The following PCNX1 variants were observed in gnomAD, a reference collection of about 807,000 sequenced individuals.
The protein encoded by PCNX1 is pecanex 1, also known as pecanex-like protein 1.
Under a neutral mutation model 242.2 loss-of-function variants are expected in PCNX1, and 78 were observed. The ratio of observed to expected loss-of-function variants is 0.32; its 90% CI spans 0.27 to 0.39. PCNX1 has a LOEUF of 0.39. Among genes scored for constraint, PCNX1 ranks in the 10% least tolerant of loss-of-function variants. The pLI is 1.00. For missense variants in PCNX1, 2,581 were observed against 2,856.5 expected (o/e 0.90, Z 2.20); for synonymous variants, 1,024 against 1,032.9 (o/e 0.99, Z 0.17).
rs910746382 is a variant in PCNX1 at position 71,106,044 on chromosome 14, C to T, written c.6301+604C>T. Among the ~76,000 whole-genome samples, 42 of 151,216 alleles carry T rather than the reference C, an allele frequency of 2.8e-4. 1 individual carries two copies. Among genetic ancestry groups the T allele is most frequent in the Non-Finnish European group, 7.4e-5 (5 of 67,814 alleles). ...TTTTTAATTTTTTGAGACAGAGTCT[C>T]ACTCTGTTGCTCAGGCTGGAGTGCA... On this transcript the variant is annotated intron_variant, in intron 33 of 35. Coordinates refer to ENST00000304743, the MANE Select transcript of PCNX1 (RefSeq NM_014982.3).
chr14:70,907,648 C>T lies in PCNX1; in HGVS notation c.-203C>T, dbSNP rs1330721322. 6.6e-6 allele frequency: 3 copies of T among 453,118 alleles called. No homozygotes were observed. Among genetic ancestry groups the T allele is most frequent in the Admixed American group, 5.2e-5 (1 of 19,376 alleles). The allele number at this position is 453,118 out of a possible 1,614,324, so 28.1% of individuals were successfully genotyped here. On this transcript the variant is annotated 5_prime_UTR_variant, in exon 1 of 36. Transcript: ENST00000304743. Reference sequence around the variant, plus strand: ...TCCGCCCCGCCGCTCGCCGCCTCCTCCTCTCGGGTCTCCTCCTCCTCGTTT... The same window carrying T: ...TCCGCCCCGCCGCTCGCCGCCTCCTTCTCTCGGGTCTCCTCCTCCTCGTTT...
intron 30 of PCNX1, 75 bp downstream of exon 30, chr14:71,089,417 A>G: frequency 9.1e-7 from 1 of 1,094,558 alleles, no homozygotes; most frequent in Non-Finnish European, 1.3e-6. Flanking sequence ...ATATTAGTCC[A>G]TTCTCACGCT....
intron 28 of PCNX1, among the ~76,000 whole-genome samples, chr14:71,080,065 G>T (rs906046686): frequency 6.6e-6 from 1 of 152,106 alleles, no homozygotes; most frequent in African/African-American, 2.4e-5. Context: ...GTAAGGAAGG[G>T]GTCCAGTTTC....
At chr14:70,957,259 A>G (rs2058031694) in intron 2 of PCNX1, among the ~76,000 whole-genome samples, 1 of 152,114 alleles carries the variant, frequency 6.6e-6, no homozygotes, top group Admixed American at 6.6e-5. Context: ...GCGTGCTAGG[A>G]TTACAGGCAT....
intron 1 of PCNX1, among the ~76,000 whole-genome samples, chr14:70,915,847 G>C (rs2056133044): frequency 6.6e-6 from 1 of 152,102 alleles, no homozygotes; most frequent in Non-Finnish European, 1.5e-5. Context: ...AGATAATGCA[G>C]GGTTCCTGGA....
rs1449089993 is a variant in PCNX1, at chr14:70,907,626, G to T, written c.-225G>T. 2 of 314,260 alleles carry T rather than the reference G, an allele frequency of 6.4e-6. No homozygotes were observed. Among genetic ancestry groups the T allele is most frequent in the African/African-American group, 2.2e-5 (1 of 45,018 alleles). 19.5% of individuals were successfully genotyped at this position (314,260 alleles called of 1,614,324 possible). A position where few individuals can be genotyped will look rare whatever the true frequency, so the allele number is the denominator to read the frequency against. On this transcript the variant is annotated 5_prime_UTR_variant, in exon 1 of 36. Coordinates refer to ENST00000304743, the MANE Select transcript of PCNX1 (RefSeq NM_014982.3). ...GGTCTCCTCCTCTCCGCCGTCCTCC[G>T]CCCCGCCGCTCGCCGCCTCCTCCTC...
At chr14:71,016,175 A>C (rs184674249) in intron 11 of PCNX1, among the ~76,000 whole-genome samples, 26 of 152,380 alleles carry the variant, frequency 1.7e-4, no homozygotes, top group African/African-American at 5.8e-4. Flanking sequence ...AGCCCATTTC[A>C]TAGTGATAAG....
At chr14:70,958,241 T>C (rs1191699956) in intron 2 of PCNX1, among the ~76,000 whole-genome samples, 2 of 152,152 alleles carry the variant, frequency 1.3e-5, no homozygotes, top group African/African-American at 4.8e-5. Context: ...AGAAAGCTAG[T>C]TTTCTTTGTT....
chr14:70,942,757 A>G (rs995565675), intron 1 of PCNX1: 4 of 152,196 alleles, frequency 2.6e-5, no homozygotes, highest in African/African-American at 9.7e-5. Context: ...GTTTTTATAG[A>G]AGCTTCATTA....
At chr14:70,927,264 TGTAA>T (rs1435771383) in intron 1 of PCNX1, among the ~76,000 whole-genome samples, 8 of 152,350 alleles carry the variant, frequency 5.3e-5, no homozygotes, top group East Asian at 1.9e-4. Context: ...GCTCCTGTTC[TGTAA>T]GTGTGTCTTA....
chr14:70,986,354 T>C (rs1319115002), intron 6 of PCNX1, among the ~76,000 whole-genome samples: 16 of 152,202 alleles, frequency 1.1e-4, no homozygotes, highest in Admixed American at 1.0e-3. Context: ...TAAACTTTCC[T>C]CTTGATGTGT....
chr14:70,994,575 TG>T (rs1424095968), intron 7 of PCNX1, among the ~76,000 whole-genome samples: 2 of 151,478 alleles, frequency 1.3e-5, no homozygotes, highest in Non-Finnish European at 2.9e-5. Context: ...ATAAAGTAAC[TG>T]AATAAGGCCA....
chr14:71,100,206 T>C (rs1229262698), intron 30 of PCNX1, among the ~76,000 whole-genome samples: 1 of 152,214 alleles, frequency 6.6e-6, no homozygotes, highest in African/African-American at 2.4e-5. Flanking sequence ...GGCTGTGTTC[T>C]TAAGTGTGTT....
At chr14:71,019,981 G>A (rs1271551672) in intron 12 of PCNX1, among the ~76,000 whole-genome samples, 1 of 148,836 alleles carries the variant, frequency 6.7e-6, no homozygotes, top group Non-Finnish European at 1.5e-5. Flanking sequence ...CCCTCCTTGT[G>A]TCCATGTGTT....
rs2059066484 is a variant in PCNX1 at position 70,988,613 on chromosome 14, C to T, written c.2358C>T (p.Ser786=). The change falls in exon 7 of 36, where the codon AGC becomes AGT. Residue 786 remains serine, a synonymous_variant. Coordinates refer to ENST00000304743, the MANE Select transcript of PCNX1 (RefSeq NM_014982.3). ...EEAVSFRRER[S]TFRRQAVRRR... is the part of the protein sequence containing the mutation. ...CAGTGTCATTTCGCCGTGAACGCAGCACATTTAGGCGCCAGGCAGTACGGC... is the reference window on the plus strand; with the variant it reads ...CAGTGTCATTTCGCCGTGAACGCAGTACATTTAGGCGCCAGGCAGTACGGC... 1 of 1,613,976 alleles carries T rather than the reference C, an allele frequency of 6.2e-7. No individual in the cohort carries two copies. Among genetic ancestry groups the T allele is most frequent in the African/African-American group, 1.3e-5 (1 of 74,902 alleles).
At chr14:70,908,685 G>T (rs560105615) in intron 1 of PCNX1, among the ~76,000 whole-genome samples, 2 of 151,958 alleles carry the variant, frequency 1.3e-5, no homozygotes, top group South Asian at 4.2e-4. Context: ...GCCGGTGGCC[G>T]TGGTGCTTCC....
intron 6 of PCNX1, among the ~76,000 whole-genome samples, chr14:70,987,908 T>A (rs1374394115): frequency 1.3e-5 from 2 of 152,210 alleles, no homozygotes; most frequent in East Asian, 3.8e-4. Flanking sequence ...ATTTGCTTCC[T>A]AAAGTTGAGA....
At chr14:70,948,008 A>G (rs574383965) in intron 2 of PCNX1, among the ~76,000 whole-genome samples, 3 of 152,236 alleles carry the variant, frequency 2.0e-5, no homozygotes, top group South Asian at 4.2e-4. Flanking sequence ...AGGATTGGGA[A>G]ATTCCAGCCT....
In PCNX1 at chr14:71,016,739, A is replaced by G. The variant is rs79888307; in HGVS notation, c.2997-2270A>G. ...ATGCCACTAACTTGCAGTACTTAGG[A>G]AAATTTATAGCACTAAACACCTAGA... On this transcript the variant is annotated intron_variant, in intron 11 of 35. Coordinates refer to ENST00000304743, the MANE Select transcript of PCNX1 (RefSeq NM_014982.3). Among the ~76,000 whole-genome samples the G allele has an allele frequency of 5.5e-3, 832 of 152,324 alleles. 7 individuals are homozygous for G. Among genetic ancestry groups the G allele is most frequent in the African/African-American group, 0.019 (781 of 41,566 alleles).
Sources: allele counts gnomAD v4.1 joint callset (sites outside exome capture counted in the v4.1 genomes callset), GRCh38; gene constraint gnomAD v4.1.1; transcripts MANE v1.5; gene names NCBI Gene and HGNC (gene_info 2026-07-23, HGNC 2026-07-21).